The following SLC7A13 variants were observed in gnomAD, a reference collection of about 807,000 sequenced individuals.
SLC7A13 encodes the protein X-amino acid transporter 2.
A neutral mutation model predicts 32.0 loss-of-function variants in SLC7A13; 31 were observed. The ratio of observed to expected loss-of-function variants is 0.97; its 90% confidence interval spans 0.73 to 1.31. The LOEUF is 1.31. Among genes scored for constraint, SLC7A13 ranks in the 50% most tolerant of loss-of-function variants. SLC7A13 has a pLI of 0.00. For missense variants in SLC7A13, 633 were observed against 546.9 expected, an observed-to-expected ratio of 1.16 and a Z score of -1.57; for synonymous variants, 232 against 206.9, an observed-to-expected ratio of 1.12 and a Z score of -1.04.
chr8:86,214,838 T>C (rs2129775468), intron 3 of SLC7A13, among the ~76,000 whole-genome samples, 192 bp from the exon 4 acceptor site: 1 of 152,292 alleles, frequency 6.6e-6, no homozygotes, highest in Non-Finnish European at 1.5e-5. Context: ...AGACTGTCAT[T>C]GTCAGGTTGG....
At chr8:86,222,653 G>T (rs1395164705) in intron 2 of SLC7A13, among the ~76,000 whole-genome samples, 2 of 151,858 alleles carry the variant, frequency 1.3e-5, no homozygotes, top group Admixed American at 1.3e-4. Context: ...TTTTAAAATC[G>T]ATGTAAACAG....
At position 86,214,500 on chromosome 8, in the gene SLC7A13, A is replaced by T. The variant is rs1820144626; in HGVS notation, c.1326T>A (p.Phe442Leu). 6.2e-7 allele frequency: 1 copy of T among 1,612,366 alleles called. No homozygotes were observed. The highest frequency in any genetic ancestry group is 1.3e-5 in the African/African-American group (1 of 74,902). ...TCTCAAACCAAGCCAATCTTATTTT[A>T]AAATGTATTAAAGGTATGTAAAATA... ...GLLFYIPLIH[F>L]KIRLAWFEKM... is the part of the protein sequence containing the mutation. Residue 442 changes from phenylalanine to leucine, a missense_variant, in exon 4 of 4, where the codon TTT becomes TTA. Transcript: ENST00000297524.
Position 86,220,549 on chromosome 8 carries a change from G to A in SLC7A13, c.817+2423C>T, listed in dbSNP as rs143501045. ...CAAATATTAGAATCTAATATTTATC[G>A]CAGCCTGGTGTAATTCTTTCAATGT... On this transcript the variant is annotated intron_variant, in intron 2 of 3. Transcript: ENST00000297524. Among the ~76,000 whole-genome samples, 175 of 151,676 alleles carry A rather than the reference G, an allele frequency of 1.2e-3. 1 individual carries two copies. Among genetic ancestry groups the A allele is most frequent in the African/African-American group, 3.7e-3 (153 of 41,322 alleles).
chr8:86,222,250 T>A (rs959554173), intron 2 of SLC7A13, among the ~76,000 whole-genome samples: 5 of 152,178 alleles, frequency 3.3e-5, no homozygotes, highest in African/African-American at 4.8e-5. Flanking sequence ...GATAGGTTTA[T>A]CTTGTGAGGT....
intron 3 of SLC7A13, among the ~76,000 whole-genome samples, chr8:86,215,279 A>G (rs553171116): frequency 6.6e-5 from 10 of 152,206 alleles, no homozygotes; most frequent in Non-Finnish European, 1.3e-4. Flanking sequence ...AAATCGATAT[A>G]AGATATAACT....
chr8:86,228,925 C>T (rs1003679173), intron 1 of SLC7A13, among the ~76,000 whole-genome samples: 3 of 152,038 alleles, frequency 2.0e-5, no homozygotes, highest in Admixed American at 6.6e-5. Context: ...AAGTAATCCT[C>T]CCATTTCAGC....
chr8:86,215,617 C>G (rs1820168651), intron 3 of SLC7A13: 1 of 408,048 alleles, frequency 2.5e-6, no homozygotes, highest in South Asian at 1.7e-5. Context: ...ACCCAGGAAG[C>G]AGAGGTTGCA....
chr8:86,223,231 G>A (rs1413960888), intron 1 of SLC7A13, 128 bp from the exon 2 acceptor site: 1 of 873,296 alleles, frequency 1.1e-6, no homozygotes, highest in African/African-American at 1.8e-5. Flanking sequence ...ATGTGGATAG[G>A]TTGTGTGGTG....
chr8:86,225,903 C>A (rs1820382646), intron 1 of SLC7A13, among the ~76,000 whole-genome samples: 1 of 151,910 alleles, frequency 6.6e-6, no homozygotes, highest in Admixed American at 6.6e-5. Flanking sequence ...TGCACTCCAG[C>A]CTGGGTGATA....
intron 3 of SLC7A13, chr8:86,215,676 C>T: frequency 2.2e-6 from 1 of 448,318 alleles, no homozygotes; most frequent in South Asian, 1.6e-5. Context: ...GCCTGGACGA[C>T]AAGAATGAGA....
At chr8:86,216,703 T>C (rs1326805424) in intron 3 of SLC7A13, among the ~76,000 whole-genome samples, 1 of 152,206 alleles carries the variant, frequency 6.6e-6, no homozygotes, top group Non-Finnish European at 1.5e-5. Flanking sequence ...GAATCTTGGC[T>C]CTAATCCATG....
Position 86,222,896 on chromosome 8 carries a change from G to A in SLC7A13, c.817+76C>T, listed in dbSNP as rs1820323123. The stretch of plus-strand genomic sequence containing the variant: ...ATAGAATAATGAACAGTAAACAGTG[G>A]TTCTGACTGGTGAAATGATAGTTAC... On this transcript the variant is annotated intron_variant, in intron 2 of 3. Transcript: ENST00000297524. 3 of 1,383,146 alleles carry A rather than the reference G, an allele frequency of 2.2e-6. No homozygotes were observed. In the South Asian group the frequency reaches 5.5e-5, roughly 25 times the overall value. The allele number at this position is 1,383,146 out of a possible 1,614,324, so 85.7% of individuals were successfully genotyped here. A position where few individuals can be genotyped will look rare whatever the true frequency, so the allele number is the denominator to read the frequency against.
intron 1 of SLC7A13, among the ~76,000 whole-genome samples, chr8:86,227,951 G>C (rs978363765): frequency 6.6e-6 from 1 of 152,112 alleles, no homozygotes; most frequent in African/African-American, 2.4e-5. Context: ...GAGAGTGGGT[G>C]GGGGGTAAGG....
chr8:86,225,098 C>T (rs980231523), intron 1 of SLC7A13, among the ~76,000 whole-genome samples: 1 of 152,052 alleles, frequency 6.6e-6, no homozygotes, highest in Non-Finnish European at 1.5e-5. Context: ...ATTATCCTTC[C>T]AGTAAGTTCC....
chr8:86,230,188 T>C lies in SLC7A13; in HGVS notation c.90A>G (p.Gly30=). 1 of 1,614,088 alleles carries C rather than the reference T, an allele frequency of 6.2e-7. No homozygotes were observed. The highest frequency in any genetic ancestry group is 1.1e-5 in the South Asian group (1 of 91,064). Residue 30 remains glycine, a synonymous_variant, in exon 1 of 4, where the codon GGA becomes GGG. Transcript: ENST00000297524. ...ACACACCTTTGGGGGACACAAAAAT[T>C]CCTGCACCAATGATATTAATAAGCA... is the stretch of plus-strand genomic sequence containing the variant. ...SFLLINIIGA[G]IFVSPKGVLA... is the part of the protein sequence containing the mutation.
chr8:86,229,969 C>A lies in SLC7A13; in HGVS notation c.309G>T (p.Leu103=). 1 of 1,614,176 alleles carries A rather than the reference C, an allele frequency of 6.2e-7. No individual in the cohort carries two copies. The highest frequency in any genetic ancestry group is 8.5e-7 in the Non-Finnish European group (1 of 1,180,040). Residue 103 remains leucine, a synonymous_variant, in exon 1 of 4, where the codon CTG becomes CTT. Transcript: ENST00000297524. The part of the protein sequence containing the change: ...AFLNLWTSLF[L]GSGVVAGQAL... Reference sequence around the variant, plus strand: ...CTTGGCCAGCAACTACCCCTGACCCCAGAAACAAGGATGTCCAGAGATTCA... The same window carrying A: ...CTTGGCCAGCAACTACCCCTGACCCAAGAAACAAGGATGTCCAGAGATTCA...
At chr8:86,225,315 C>A (rs1820371066) in intron 1 of SLC7A13, among the ~76,000 whole-genome samples, 1 of 152,132 alleles carries the variant, frequency 6.6e-6, no homozygotes, top group Admixed American at 6.6e-5. Context: ...TTTAACCCTG[C>A]CCGCACCACT....
At chr8:86,228,665 G>A (rs961902096) in intron 1 of SLC7A13, among the ~76,000 whole-genome samples, 5 of 152,070 alleles carry the variant, frequency 3.3e-5, no homozygotes, top group Non-Finnish European at 7.3e-5. Context: ...GGCCAACATG[G>A]TGAAAGCCTG....
Position 86,214,402 on chromosome 8 carries a change from A to G in SLC7A13, c.*11T>C. The G allele has an allele frequency of 1.3e-6, 2 of 1,515,376 alleles. No homozygotes were observed. The highest frequency in any genetic ancestry group is 1.8e-6 in the Non-Finnish European group (2 of 1,118,700). The allele number at this position is 1,515,376 out of a possible 1,614,324, so 93.9% of individuals were successfully genotyped here. A position where few individuals can be genotyped will look rare whatever the true frequency, so the allele number is the denominator to read the frequency against. On this transcript the variant is annotated 3_prime_UTR_variant, in exon 4 of 4. Transcript: ENST00000297524. ...GAAGGCCAATTTTTTAAGAGTTTGCACTTCCGACATCTATTCCTCAGACAC... is the reference window on the plus strand; with the variant it reads ...GAAGGCCAATTTTTTAAGAGTTTGCGCTTCCGACATCTATTCCTCAGACAC...
Sources: gnomAD v4.1 joint callset for allele counts (sites outside exome capture counted in the v4.1 genomes callset) on GRCh38, gnomAD v4.1.1 for gene constraint, MANE v1.5 for transcripts, NCBI Gene and HGNC (gene_info 2026-07-23, HGNC 2026-07-21) for gene names.